Variants in SLC17A6 observed in about 807,000 individuals in gnomAD.
SLC17A6 encodes the protein solute carrier family 17 member 6, also known as vesicular glutamate transporter 2.
A neutral mutation model predicts 67.1 loss-of-function variants in SLC17A6; 35 were observed. The ratio of observed to expected loss-of-function variants is 0.52; its 90% CI spans 0.40 to 0.69. The LOEUF (loss-of-function observed/expected upper bound fraction) is 0.69. Ranked by LOEUF, SLC17A6 falls within the 30% of genes least tolerant of loss-of-function variation. SLC17A6 has a pLI of 0.00. For missense variants in SLC17A6, 588 were observed against 723.9 expected, an observed-to-expected ratio of 0.81 and a Z score of 2.15; for synonymous variants, 285 against 252.3, an observed-to-expected ratio of 1.13 and a Z score of -1.23.
chr11:22,359,312 T>C (rs1014936828), intron 3 of SLC17A6, 101 bp from the exon 4 acceptor site: 39 of 628,300 alleles, frequency 6.2e-5, no homozygotes, highest in Middle Eastern at 5.9e-4. Flanking sequence ...TATTGGCGAT[T>C]TTTTTATTAC....
chr11:22,347,312 T>C (rs1456005804), intron 3 of SLC17A6, among the ~76,000 whole-genome samples: 2 of 152,148 alleles, frequency 1.3e-5, no homozygotes, highest in African/African-American at 2.4e-5. Context: ...AATGTGTTAC[T>C]AAGTAACTGA....
intron 8 of SLC17A6, among the ~76,000 whole-genome samples, chr11:22,372,292 T>C (rs943912704): frequency 6.6e-6 from 1 of 151,456 alleles, no homozygotes; most frequent in African/African-American, 2.4e-5. Flanking sequence ...GATATACATA[T>C]ATATATCATT....
intron 3 of SLC17A6, among the ~76,000 whole-genome samples, chr11:22,358,826 C>T (rs1392212719): frequency 6.6e-6 from 1 of 152,038 alleles, no homozygotes; most frequent in Non-Finnish European, 1.5e-5. Flanking sequence ...TGCATTATTT[C>T]GAGAACATGT....
intron 3 of SLC17A6, among the ~76,000 whole-genome samples, chr11:22,344,379 T>A (rs924811345): frequency 1.3e-5 from 2 of 152,160 alleles, no homozygotes; most frequent in Non-Finnish European, 2.9e-5. Flanking sequence ...GCACACCTCA[T>A]CTCTCAGGCC....
chr11:22,351,924 T>C (rs999095157), intron 3 of SLC17A6, among the ~76,000 whole-genome samples: 1 of 152,202 alleles, frequency 6.6e-6, no homozygotes, highest in African/African-American at 2.4e-5. Flanking sequence ...TGTTATATAA[T>C]CTATTTCCTT....
At chr11:22,339,080 ATATATATATGT>A (rs1270636194) in intron 1 of SLC17A6, among the ~76,000 whole-genome samples, 24 of 115,556 alleles carry the variant, frequency 2.1e-4, no homozygotes, top group African/African-American at 4.7e-4. Flanking sequence ...TATATATGTT[ATATATATATGT>A]TATATATATA....
intron 8 of SLC17A6, among the ~76,000 whole-genome samples, chr11:22,372,211 G>A (rs1183057231): frequency 6.6e-6 from 1 of 151,634 alleles, no homozygotes; most frequent in Non-Finnish European, 1.5e-5. Flanking sequence ...AGACAGCACT[G>A]TATATATAAA....
At chr11:22,362,648 C>G in intron 5 of SLC17A6, 91 bp from the exon 6 acceptor site, 1 of 1,040,400 alleles carries the variant, frequency 9.6e-7, no homozygotes. Context: ...AGTGTTCCAG[C>G]GTCTGTGTGA....
chr11:22,348,484 G>C (rs1269058204), intron 3 of SLC17A6, among the ~76,000 whole-genome samples: 4 of 152,146 alleles, frequency 2.6e-5, no homozygotes, highest in Non-Finnish European at 5.9e-5. Flanking sequence ...CTCCACACTT[G>C]ATAATGACTA....
chr11:22,368,548 C>T (rs1342992891), intron 7 of SLC17A6, among the ~76,000 whole-genome samples: 1 of 151,884 alleles, frequency 6.6e-6, no homozygotes, highest in Non-Finnish European at 1.5e-5. Context: ...TTTTCTATTG[C>T]TTTTGATGAA....
chr11:22,367,539 ATGCACTGG>A (rs763431788), intron 7 of SLC17A6, among the ~76,000 whole-genome samples: 122 of 152,214 alleles, frequency 8.0e-4, no homozygotes, highest in South Asian at 8.3e-4. Flanking sequence ...GATTGCTAGT[ATGCACTGG>A]TGCCCACTAG....
At chr11:22,368,236 A>T (rs896122183) in intron 7 of SLC17A6, among the ~76,000 whole-genome samples, 3 of 152,092 alleles carry the variant, frequency 2.0e-5, no homozygotes. Context: ...CAAATTTCTA[A>T]TACCATCTAT....
At chr11:22,363,258 G>C (rs758800580) in intron 6 of SLC17A6, among the ~76,000 whole-genome samples, 13 of 151,960 alleles carry the variant, frequency 8.6e-5, no homozygotes, top group Non-Finnish European at 1.9e-4. Flanking sequence ...GAAAGGGGGT[G>C]GTGGTGCTAA....
Position 22,341,766 on chromosome 11 carries a change from A to G in SLC17A6, c.325A>G (p.Lys109Glu), listed in dbSNP as rs1855818797. ...VNNSTIHRGG[K>E]VIKEKAKFNW... ...CAACAGCACCATCCACCGCGGGGGC[A>G]AGGTCATCAAGGAGGTGGGCAACGT... is the stretch of plus-strand genomic sequence containing the variant. Residue 109 changes from lysine (K) to glutamate (E), a missense_variant, in exon 2 of 12, where the codon AAG (lysine) becomes GAG (glutamate). Around this residue, in one of 4 missense-constraint regions of SLC17A6, gnomAD observed 48 missense variants for 36.5 expected, o/e 1.32. Coordinates refer to ENST00000263160, the MANE Select transcript of SLC17A6 (RefSeq NM_020346.3). The G allele has an allele frequency of 1.9e-6, 3 of 1,613,982 alleles. No individual in the cohort carries two copies. Among genetic ancestry groups the G allele is most frequent in the Non-Finnish European group, 2.5e-6 (3 of 1,179,908 alleles).
chr11:22,358,305 A>G (rs1466754360), intron 3 of SLC17A6, among the ~76,000 whole-genome samples: 1 of 152,114 alleles, frequency 6.6e-6, no homozygotes, highest in Non-Finnish European at 1.5e-5. Context: ...TGGTATAAAC[A>G]TTATAGAAGT....
intron 3 of SLC17A6, among the ~76,000 whole-genome samples, chr11:22,343,824 C>G (rs1448037875): frequency 6.6e-6 from 1 of 152,168 alleles, no homozygotes; most frequent in Non-Finnish European, 1.5e-5. Flanking sequence ...CCGTCCCCCG[C>G]CCAGTTGGTG....
rs777346265 is a variant in SLC17A6 at position 22,377,575 on chromosome 11, A to G, written c.1584A>G (p.Thr528=). The G allele has an allele frequency of 1.2e-5, 20 of 1,614,168 alleles. No individual in the cohort carries two copies. Among genetic ancestry groups the G allele is most frequent in the Non-Finnish European group, 1.5e-5 (18 of 1,180,008 alleles). The change falls in exon 12 of 12, where the codon ACA becomes ACG. Residue 528 remains threonine (T), a synonymous_variant. Coordinates refer to ENST00000263160, the MANE Select transcript of SLC17A6 (RefSeq NM_020346.3). The stretch of plus-strand genomic sequence containing the variant: ...ATGAAGATGAACTCGATGAAGAAAC[A>G]GGGGACATTACTCAAAATTATATAA... The part of the protein sequence containing the change: ...FIHEDELDEE[T]GDITQNYINY...
chr11:22,339,672 TG>T (rs1855790339), intron 1 of SLC17A6, among the ~76,000 whole-genome samples: 1 of 152,182 alleles, frequency 6.6e-6, no homozygotes. Context: ...TTGAAGTCTC[TG>T]TAAATGCATG....
At chr11:22,364,883 A>G (rs1422927205) in intron 6 of SLC17A6, among the ~76,000 whole-genome samples, 1 of 152,182 alleles carries the variant, frequency 6.6e-6, no homozygotes, top group Non-Finnish European at 1.5e-5. Context: ...AGGGCCTTGG[A>G]ATTTATAACT....
Sources: allele counts gnomAD v4.1 joint callset (sites outside exome capture counted in the v4.1 genomes callset), GRCh38; gene constraint gnomAD v4.1.1; regional missense constraint gnomAD v4.1.1; transcripts MANE v1.5; gene names NCBI Gene and HGNC (gene_info 2026-07-23, HGNC 2026-07-21).